CADM1: variants seen among roughly 807,000 people sequenced by gnomAD.
CADM1 encodes the protein TSLC-1.
Under a neutral mutation model 53.1 loss-of-function variants are expected in CADM1, and 15 were observed. The ratio of observed to expected loss-of-function variants is 0.28; its 90% CI spans 0.19 to 0.44. CADM1 has a LOEUF of 0.44. Among genes scored for constraint, CADM1 ranks in the 20% least tolerant of loss-of-function variants. The pLI, the probability that CADM1 is intolerant of heterozygous loss-of-function variation, is 1.00. For missense variants in CADM1, 434 were observed against 611.3 expected, an observed-to-expected ratio of 0.71 and a Z score of 3.06; for synonymous variants, 281 against 243.0, an observed-to-expected ratio of 1.16 and a Z score of -1.45.
At chr11:115,384,393 G>T (rs150135926) in intron 1 of CADM1, among the ~76,000 whole-genome samples, 11 of 152,176 alleles carry the variant, frequency 7.2e-5, no homozygotes, top group Non-Finnish European at 1.5e-4. Flanking sequence ...ACAGTTAAGG[G>T]CAAATCCATT....
Position 115,175,116 on chromosome 11 carries a change from T to A in CADM1, c.*1358A>T, listed in dbSNP as rs1291990254. The A allele has an allele frequency of 7.1e-6, 7 of 985,674 alleles. No individual in the cohort carries two copies. Among genetic ancestry groups the A allele is most frequent in the African/African-American group, 1.7e-5 (1 of 57,214 alleles). 61.1% of individuals were successfully genotyped at this position (985,674 alleles called of 1,614,324 possible). A position where few individuals can be genotyped will look rare whatever the true frequency, so the allele number is the denominator to read the frequency against. The stretch of plus-strand genomic sequence containing the variant: ...GGTAAAAAGATAAAAACACTCACAT[T>A]TGAGTTTTGATTAAGTAACTGAAAA... On this transcript the variant is annotated 3_prime_UTR_variant, in exon 12 of 12. Coordinates refer to ENST00000331581, the MANE Select transcript of CADM1 (RefSeq NM_001301043.2).
intron 9 of CADM1, among the ~76,000 whole-genome samples, chr11:115,193,152 CAAAGAA>C (rs1939972301): frequency 1.3e-5 from 2 of 152,062 alleles, no homozygotes; most frequent in African/African-American, 4.8e-5. Flanking sequence ...TTCATTTTCT[CAAAGAA>C]AAAGACAAAG....
chr11:115,459,589 G>A (rs544211302), intron 1 of CADM1, among the ~76,000 whole-genome samples: 361 of 152,234 alleles, frequency 2.4e-3, no homozygotes, highest in African/African-American at 8.2e-3. Flanking sequence ...CAAAGATAAG[G>A]AGGCTCTTAC....
intron 1 of CADM1, among the ~76,000 whole-genome samples, chr11:115,251,308 C>T (rs1460801986): frequency 6.6e-6 from 1 of 152,146 alleles, no homozygotes; most frequent in Non-Finnish European, 1.5e-5. Context: ...ATTTTTCCTG[C>T]CAACAAGAGT....
In CADM1 at chr11:115,169,386, A is replaced by G; in HGVS notation, c.*7088T>C. 2.9e-6 allele frequency: 1 copy of G among 344,198 alleles called. No homozygotes were observed. The highest frequency in any genetic ancestry group is 2.3e-5 in the South Asian group (1 of 43,906). The allele number at this position is 344,198 out of a possible 1,614,324, so 21.3% of individuals were successfully genotyped here. A position where few individuals can be genotyped will look rare whatever the true frequency, so the allele number is the denominator to read the frequency against. On this transcript the variant is annotated 3_prime_UTR_variant, in exon 12 of 12. Transcript: ENST00000331581. The stretch of plus-strand genomic sequence containing the variant: ...AACTGTCTTAAGCATCTCCCGGGCT[A>G]CATTTCTGGCTGTGTTAAGAATCAA...
intron 1 of CADM1, among the ~76,000 whole-genome samples, chr11:115,415,413 T>TA (rs914904495): frequency 2.6e-5 from 4 of 152,082 alleles, no homozygotes; most frequent in African/African-American, 9.7e-5. Context: ...AGCTAAAACC[T>TA]AAAAAAAGAG....
chr11:115,202,589 T>C (rs1565294939), intron 8 of CADM1, among the ~76,000 whole-genome samples: 1 of 152,168 alleles, frequency 6.6e-6, no homozygotes, highest in East Asian at 1.9e-4. Flanking sequence ...TTGTAAAAAA[T>C]TTAAATTCTC....
At chr11:115,396,087 A>G in intron 1 of CADM1, among the ~76,000 whole-genome samples, 1 of 152,186 alleles carries the variant, frequency 6.6e-6, no homozygotes, top group East Asian at 1.9e-4. Flanking sequence ...TGTCCCAGAT[A>G]CCAGATGATG....
intron 1 of CADM1, among the ~76,000 whole-genome samples, chr11:115,353,440 G>C (rs1313543511): frequency 6.6e-6 from 1 of 152,220 alleles, no homozygotes; most frequent in South Asian, 2.1e-4. Context: ...ATAGCGGCAT[G>C]TTGCTATTTA....
chr11:115,254,520 T>G (rs957266821), intron 1 of CADM1, among the ~76,000 whole-genome samples: 1 of 150,510 alleles, frequency 6.6e-6, no homozygotes, highest in African/African-American at 2.5e-5. Flanking sequence ...AGCCCTACTT[T>G]AAGAAGTTCC....
intron 1 of CADM1, among the ~76,000 whole-genome samples, chr11:115,274,568 T>C (rs1943392038): frequency 6.6e-6 from 1 of 152,236 alleles, no homozygotes; most frequent in Non-Finnish European, 1.5e-5. Flanking sequence ...CTCCTGGCCT[T>C]TGCAGCACGG....
chr11:115,208,924 C>T (rs985379926), intron 8 of CADM1, among the ~76,000 whole-genome samples: 1 of 152,160 alleles, frequency 6.6e-6, no homozygotes, highest in African/African-American at 2.4e-5. Flanking sequence ...TTCAGACAGT[C>T]CAAAAAGATA....
chr11:115,213,744 A>T (rs1442470321), intron 7 of CADM1, among the ~76,000 whole-genome samples: 1 of 152,210 alleles, frequency 6.6e-6, no homozygotes, highest in African/African-American at 2.4e-5. Flanking sequence ...TCACACACAC[A>T]CATTCAAATA....
chr11:115,353,519 G>A (rs1030508683), intron 1 of CADM1, among the ~76,000 whole-genome samples: 3 of 152,186 alleles, frequency 2.0e-5, no homozygotes, highest in Non-Finnish European at 4.4e-5. Context: ...TGGAATGCAA[G>A]ACTGTTATAT....
At chr11:115,255,312 T>C (rs1194928291) in intron 1 of CADM1, among the ~76,000 whole-genome samples, 3 of 152,162 alleles carry the variant, frequency 2.0e-5, no homozygotes, top group African/African-American at 4.8e-5. Flanking sequence ...TAGCACCCAA[T>C]TGTACCAAAA....
Position 115,174,552 on chromosome 11 carries a change from G to A in CADM1, c.*1922C>T. 3.0e-6 allele frequency: 3 copies of A among 985,494 alleles called. No individual in the cohort carries two copies. The highest frequency in any genetic ancestry group is 3.6e-6 in the Non-Finnish European group (3 of 829,796). 61.0% of individuals were successfully genotyped at this position (985,494 alleles called of 1,614,324 possible). Reference sequence around the variant, plus strand: ...TTTACATACCAGTCCGTTCCCAAAAGGCCCCCATATTGCAATGGTTCTATC... The same window carrying A: ...TTTACATACCAGTCCGTTCCCAAAAAGCCCCCATATTGCAATGGTTCTATC... On this transcript the variant is annotated 3_prime_UTR_variant, in exon 12 of 12. Coordinates refer to ENST00000331581, the MANE Select transcript of CADM1 (RefSeq NM_001301043.2).
chr11:115,239,439 G>A (rs558393747), intron 2 of CADM1, among the ~76,000 whole-genome samples: 69 of 152,290 alleles, frequency 4.5e-4, no homozygotes, highest in African/African-American at 1.6e-3. Context: ...ACTGATACAT[G>A]TGGGCCTCTT....
rs1012427096 is a variant in CADM1 at position 115,313,415 on chromosome 11, G to T, written c.125-72995C>A. 1.4e-4 allele frequency among the ~76,000 whole-genome samples: 22 copies of T among 152,260 alleles called. No homozygotes were observed. In the South Asian group the frequency reaches 2.3e-3, roughly 16 times the overall value. On this transcript the variant is annotated intron_variant, in intron 1 of 11. Coordinates refer to ENST00000331581, the MANE Select transcript of CADM1 (RefSeq NM_001301043.2). ...CTTGACATTAACCAGAAGAAGGTAAGCTGAATGCTCTGCCAGTTAGTACAA... is the reference window on the plus strand; with the variant it reads ...CTTGACATTAACCAGAAGAAGGTAATCTGAATGCTCTGCCAGTTAGTACAA...
rs147547726 is a variant in CADM1 at position 115,496,767 on chromosome 11, C to A, written c.124+7504G>T. On this transcript the variant is annotated intron_variant, in intron 1 of 11. Transcript: ENST00000331581. The stretch of plus-strand genomic sequence containing the variant: ...GAATGTCACTTAGAAACAATCAGCC[C>A]CATTTTATTTCAGTGCAAGCAGGAA... 6.3e-4 allele frequency among the ~76,000 whole-genome samples: 96 copies of A among 152,014 alleles called. No homozygotes were observed. The East Asian group carries it at 0.014, about 22-fold the overall frequency.
Sources: allele counts gnomAD v4.1 joint callset (sites outside exome capture counted in the v4.1 genomes callset), GRCh38; gene constraint gnomAD v4.1.1; transcripts MANE v1.5; gene names NCBI Gene and HGNC (gene_info 2026-07-23, HGNC 2026-07-21).